The following NFIB variants were observed in gnomAD, a reference collection of about 807,000 sequenced individuals.
NFIB encodes nuclear factor 1 B-type.
A neutral mutation model predicts 61.5 loss-of-function variants in NFIB; 11 were observed. That is an observed-to-expected ratio of 0.18 (90% CI 0.11 to 0.30). The LOEUF (loss-of-function observed/expected upper bound fraction) is 0.30. NFIB is among the 10% of genes least tolerant of loss of function. The probability of loss-of-function intolerance (pLI) is 1.00; values close to 1 mark genes in which losing one functional copy is unlikely to be tolerated. For missense variants in NFIB, 471 were observed against 608.9 expected (o/e 0.77, Z 2.38); for synonymous variants, 260 against 216.5 (o/e 1.20, Z -1.76).
the NFIB span, among the ~76,000 whole-genome samples, chr9:14,528,036 C>A: frequency 6.6e-6 from 1 of 152,080 alleles, no homozygotes; most frequent in Non-Finnish European, 1.5e-5. Flanking sequence ...CAGACCGTAA[C>A]ATATACTAGT....
intron 2 of NFIB, among the ~76,000 whole-genome samples, chr9:14,192,726 C>T (rs1437777185): frequency 2.0e-5 from 3 of 152,108 alleles, no homozygotes; most frequent in Non-Finnish European, 2.9e-5. Context: ...TCAGGCAGCT[C>T]CAGCTCAATT....
At chr9:14,298,409 T>C (rs968434670) in intron 2 of NFIB, among the ~76,000 whole-genome samples, 1 of 152,094 alleles carries the variant, frequency 6.6e-6, no homozygotes. Flanking sequence ...TATAAAAAGC[T>C]GAAAAGTCAA....
chr9:14,482,753 T>C, the NFIB span, among the ~76,000 whole-genome samples: 2 of 152,252 alleles, frequency 1.3e-5, no homozygotes, highest in African/African-American at 4.8e-5. Context: ...AGCAGATATT[T>C]GGGCAATGTT....
intron 1 of NFIB, among the ~76,000 whole-genome samples, chr9:14,385,249 C>A (rs2061536273): frequency 6.6e-6 from 1 of 152,170 alleles, no homozygotes; most frequent in Non-Finnish European, 1.5e-5. Flanking sequence ...GGAACTTAAC[C>A]AAGATCAGGC....
chr9:14,291,461 G>A (rs2059095217), intron 2 of NFIB, among the ~76,000 whole-genome samples: 1 of 152,044 alleles, frequency 6.6e-6, no homozygotes, highest in Non-Finnish European at 1.5e-5. Flanking sequence ...CTCCAGTCTG[G>A]GCGACAGAGA....
At chr9:14,089,998 A>G (rs1191490148) in intron 10 of NFIB, among the ~76,000 whole-genome samples, 1 of 152,166 alleles carries the variant, frequency 6.6e-6, no homozygotes, top group Non-Finnish European at 1.5e-5. Context: ...GTCCGTCTCT[A>G]GTAAAGTACC....
chr9:14,375,600 G>C (rs2061409606), intron 1 of NFIB, among the ~76,000 whole-genome samples: 2 of 152,244 alleles, frequency 1.3e-5, no homozygotes, highest in South Asian at 4.2e-4. Flanking sequence ...GGAGGTTGCA[G>C]TGAGCTGAGA....
In NFIB at chr9:14,338,316, C is replaced by T. The variant is rs549940332; in HGVS notation, c.109-30796G>A. Among the ~76,000 whole-genome samples, 302 of 152,164 alleles carry T rather than the reference C, an allele frequency of 2.0e-3. 2 individuals are homozygous for T. Among genetic ancestry groups the T allele is most frequent in the Non-Finnish European group, 2.0e-3 (135 of 68,030 alleles). ...GGCTGAGGCAGGAGAATGGCGTGAA[C>T]CCGGGAGGCGGAGGTTGCAGTGAGC... On this transcript the variant is annotated intron_variant, in intron 1 of 8. Transcript: ENST00000380934.
chr9:14,313,338 C>G lies in NFIB; in HGVS notation c.30+144G>C. The G allele has an allele frequency of 1.7e-6, 2 of 1,171,758 alleles. No individual in the cohort carries two copies. The highest frequency in any genetic ancestry group is 2.3e-6 in the Non-Finnish European group (2 of 863,348). The allele number at this position is 1,171,758 out of a possible 1,614,324, so 72.6% of individuals were successfully genotyped here. A position where few individuals can be genotyped will look rare whatever the true frequency, so the allele number is the denominator to read the frequency against. On this transcript the variant is annotated intron_variant, in intron 1 of 10. Coordinates refer to ENST00000380953, the MANE Select transcript of NFIB (RefSeq NM_001190737.2). This position sits in a 1 kb window ranked among gnomAD's most constrained non-coding sequence, Gnocchi z 4.5. ...CGCTCCCGGCTCCCACGCCGCCCCG[C>G]GACGCCCGCTGCAACTCCGGGCCAC...
Position 14,150,210 on chromosome 9 carries a change from T to A in NFIB, c.741A>T (p.Gln247His). The part of the protein sequence containing the change: ...VNFPIGEIPS[Q>H]PYYHDMNSGV... Reference sequence around the variant, plus strand: ...CCGAGTTCATGTCATGATAGTATGGTTGGCTTGGGATTTCTCCAATTGGGA... The same window carrying A: ...CCGAGTTCATGTCATGATAGTATGGATGGCTTGGGATTTCTCCAATTGGGA... Residue 247 changes from glutamine (Q) to histidine (H), a missense_variant, in exon 5 of 11, where the codon CAA becomes CAT. By Grantham distance (24) the Gln-to-His change is conservative. This residue lies in a region of NFIB where 372 missense variants were observed against 395.6 expected (regional missense o/e 0.94). Transcript: ENST00000380953. 1 of 1,613,560 alleles carries A rather than the reference T, an allele frequency of 6.2e-7. No individual in the cohort carries two copies. The highest frequency in any genetic ancestry group is 8.5e-7 in the Non-Finnish European group (1 of 1,179,608).
chr9:14,195,371 G>A (rs1166176263), intron 2 of NFIB, among the ~76,000 whole-genome samples: 1 of 152,060 alleles, frequency 6.6e-6, no homozygotes, highest in Non-Finnish European at 1.5e-5. Flanking sequence ...ACAAAATATT[G>A]TATTTTTTAG....
chr9:14,280,209 T>C (rs2058276733), intron 2 of NFIB, among the ~76,000 whole-genome samples: 2 of 152,196 alleles, frequency 1.3e-5, no homozygotes, highest in African/African-American at 2.4e-5. Flanking sequence ...ACAAAATGCC[T>C]GTGTCCAAAG....
At chr9:14,215,597 G>C (rs1480343015) in intron 2 of NFIB, among the ~76,000 whole-genome samples, 18 of 152,132 alleles carry the variant, frequency 1.2e-4, no homozygotes, top group Admixed American at 1.2e-3. Context: ...CTTAAAAAGT[G>C]ATCAGATAAT....
At chr9:14,340,182 C>T (rs2060933536) in intron 1 of NFIB, among the ~76,000 whole-genome samples, 1 of 152,180 alleles carries the variant, frequency 6.6e-6, no homozygotes, top group South Asian at 2.1e-4. Context: ...AGGTTCTGAT[C>T]TGCGCATTAG....
intron 6 of NFIB, among the ~76,000 whole-genome samples, chr9:14,140,284 C>T (rs1337682927): frequency 6.6e-6 from 1 of 152,158 alleles, no homozygotes; most frequent in African/African-American, 2.4e-5. Context: ...ATTCAACCAT[C>T]TATGACAGCT....
chr9:14,447,267 CTGTT>C, the NFIB span, among the ~76,000 whole-genome samples: 1 of 152,136 alleles, frequency 6.6e-6, no homozygotes, highest in African/African-American at 2.4e-5. Flanking sequence ...CATGTCTGCT[CTGTT>C]TGTTTTTAGC....
At chr9:14,430,488 AG>A in the NFIB span, among the ~76,000 whole-genome samples, 6 of 152,260 alleles carry the variant, frequency 3.9e-5, no homozygotes, top group Non-Finnish European at 8.8e-5. Flanking sequence ...GATCAAAATC[AG>A]GATTCTGTCC....
At chr9:14,243,354 T>G (rs889036825) in intron 2 of NFIB, among the ~76,000 whole-genome samples, 1 of 152,160 alleles carries the variant, frequency 6.6e-6, no homozygotes, top group Non-Finnish European at 1.5e-5. Flanking sequence ...CATAAGGCAT[T>G]TGAAGGTGGA....
the NFIB span, among the ~76,000 whole-genome samples, chr9:14,514,749 T>C: frequency 6.6e-6 from 1 of 152,020 alleles, no homozygotes; most frequent in Non-Finnish European, 1.5e-5. Context: ...AGGACACGAA[T>C]TCTCAGTTTG....
Sources: allele counts gnomAD v4.1 joint callset (sites outside exome capture counted in the v4.1 genomes callset), GRCh38; gene constraint gnomAD v4.1.1; regional missense constraint gnomAD v4.1.1; non-coding constraint Gnocchi (gnomAD v3.1); transcripts MANE v1.5; gene names NCBI Gene and HGNC (gene_info 2026-07-23, HGNC 2026-07-21).